The following ICA1L variants were observed in gnomAD, a reference collection of about 807,000 sequenced individuals.
ICA1L encodes the protein islet cell autoantigen 1 like.
Under a neutral mutation model 61.3 loss-of-function variants are expected in ICA1L, and 50 were observed. The ratio of observed to expected loss-of-function variants is 0.82; its 90% CI spans 0.65 to 1.03. The LOEUF is 1.03. Ranked by LOEUF, ICA1L falls within the 50% of genes least tolerant of loss-of-function variation. The pLI, the probability that ICA1L is intolerant of heterozygous loss-of-function variation, is 0.00. For missense variants in ICA1L, 508 were observed against 556.7 expected (o/e 0.91, Z 0.88); for synonymous variants, 161 against 191.3 (o/e 0.84, Z 1.31).
intron 1 of ICA1L, among the ~76,000 whole-genome samples, chr2:202,861,976 C>T (rs1278534173): frequency 8.2e-6 from 1 of 121,916 alleles, no homozygotes; most frequent in African/African-American, 3.2e-5. Flanking sequence ...TTTTAACCAA[C>T]TTGACCTAAT....
chr2:202,871,446 G>A (rs1687711943), intron 1 of ICA1L, 173 bp downstream of exon 1: 2 of 152,090 alleles, frequency 1.3e-5, no homozygotes, highest in African/African-American at 4.8e-5. Context: ...GGGTCCCCCA[G>A]AGAACCGAGG....
chr2:202,825,691 A>G lies in ICA1L; in HGVS notation c.235+4T>C. On this transcript the variant is annotated splice_donor_region_variant and intron_variant, in intron 3 of 12. Transcript: ENST00000358299. ...TTATCAGATAGATAACTATGATTTC[A>G]TACCATTGAGTCTTAGCTGGTATTT... 1 of 1,457,010 alleles carries G rather than the reference A, an allele frequency of 6.9e-7. No homozygotes were observed. The highest frequency in any genetic ancestry group is 1.8e-4 in the Middle Eastern group (1 of 5,714). The allele number at this position is 1,457,010 out of a possible 1,614,324, so 90.3% of individuals were successfully genotyped here.
intron 1 of ICA1L, among the ~76,000 whole-genome samples, chr2:202,851,175 C>A (rs1694608506): frequency 6.6e-6 from 1 of 151,492 alleles, no homozygotes; most frequent in East Asian, 1.9e-4. Flanking sequence ...CCCCACCCCA[C>A]AACAGGCCCC....
At chr2:202,785,832 CAATAT>C (rs1217868832) in intron 12 of ICA1L, 81 bp downstream of exon 12, 9 of 740,190 alleles carry the variant, frequency 1.2e-5, no homozygotes, top group African/African-American at 1.8e-5. Context: ...GAGGTGAAAA[CAATAT>C]AAAGTGATCC....
chr2:202,858,421 T>C (rs1294273720), intron 1 of ICA1L, among the ~76,000 whole-genome samples: 1 of 152,042 alleles, frequency 6.6e-6, no homozygotes, highest in Non-Finnish European at 1.5e-5. Context: ...AGTTGAACAA[T>C]GAGAACACAT....
At position 202,792,573 on chromosome 2, in the gene ICA1L, G is replaced by C. The variant is rs1692786527; in HGVS notation, c.986-3486C>G. 2.0e-5 allele frequency among the ~76,000 whole-genome samples: 3 copies of C among 152,168 alleles called. No homozygotes were observed. The South Asian group carries it at 6.2e-4, about 32-fold the overall frequency. Reference sequence around the variant, plus strand: ...TAATTCCAGCACTTTGTGAGGCTGAGGCGGGCAGATCACAAGGTCAGGAGA... The same window carrying C: ...TAATTCCAGCACTTTGTGAGGCTGACGCGGGCAGATCACAAGGTCAGGAGA... On this transcript the variant is annotated intron_variant, in intron 10 of 12. Coordinates refer to ENST00000358299, the MANE Select transcript of ICA1L (RefSeq NM_001288622.3).
intron 10 of ICA1L, among the ~76,000 whole-genome samples, chr2:202,795,073 C>CTT (rs59752090): frequency 7.2e-5 from 7 of 97,072 alleles, no homozygotes; most frequent in East Asian, 3.1e-4. Flanking sequence ...GTTTCCTTTT[C>CTT]TTTTTTTTTT....
intron 8 of ICA1L, among the ~76,000 whole-genome samples, chr2:202,812,360 C>T (rs555276731): frequency 2.4e-4 from 37 of 152,246 alleles, no homozygotes; most frequent in African/African-American, 7.7e-4. Context: ...AGGCGGATCA[C>T]GAGGTCAGGA....
chr2:202,795,349 C>T (rs1040235591), intron 10 of ICA1L, among the ~76,000 whole-genome samples: 4 of 151,980 alleles, frequency 2.6e-5, no homozygotes, highest in South Asian at 2.1e-4. Flanking sequence ...TGGTGGCACA[C>T]GCCTATAATC....
chr2:202,811,503 C>CA (rs1286684869), intron 9 of ICA1L, among the ~76,000 whole-genome samples: 7 of 149,944 alleles, frequency 4.7e-5, no homozygotes, highest in East Asian at 2.0e-4. Flanking sequence ...ACTAAAAATA[C>CA]AAAAAAAAAT....
intron 5 of ICA1L, among the ~76,000 whole-genome samples, chr2:202,819,382 G>C (rs1213778932): frequency 6.6e-6 from 1 of 151,926 alleles, no homozygotes; most frequent in Admixed American, 6.6e-5. Flanking sequence ...AATTCCTTTT[G>C]TCCCTCTGTA....
chr2:202,776,676 T>A lies in ICA1L; in HGVS notation c.*2857A>T, dbSNP rs113452458. On this transcript the variant is annotated 3_prime_UTR_variant, in exon 13 of 13. Transcript: ENST00000358299. ...CTTCATCTTAATATAGTTACTGATA[T>A]GCTCTTCAAAAACAGTGGTTGGACT... 6.6e-6 allele frequency: 1 copy of A among 152,228 alleles called. No individual in the cohort carries two copies. 9.4% of individuals were successfully genotyped at this position (152,228 alleles called of 1,614,324 possible).
chr2:202,796,798 C>G, intron 10 of ICA1L, 92 bp downstream of exon 10: 1 of 707,428 alleles, frequency 1.4e-6, no homozygotes, highest in Non-Finnish European at 2.3e-6. Flanking sequence ...ATGTAGAGAC[C>G]CAGACAGTTT....
At position 202,815,926 on chromosome 2, in the gene ICA1L, A is replaced by T; in HGVS notation, c.768T>A (p.Asp256Glu). ...HEACIGFHPY[D>E]FVALKQLQDT... ...CACAATGTACCTTGAGAGCTACAAA[A>T]TCATACGGATGAAAGCCAATACAGG... The change falls in exon 7 of 13, where the codon GAT (aspartate) becomes GAA (glutamate). Residue 256 changes from aspartate (D) to glutamate (E), a missense_variant. Physicochemically the swap from Asp to Glu is conservative, Grantham distance 45. Coordinates refer to ENST00000358299, the MANE Select transcript of ICA1L (RefSeq NM_001288622.3). 6.3e-7 allele frequency: 1 copy of T among 1,589,122 alleles called. No individual in the cohort carries two copies. Among genetic ancestry groups the T allele is most frequent in the Non-Finnish European group, 8.6e-7 (1 of 1,169,012 alleles).
At chr2:202,791,579 G>A (rs568878516) in intron 10 of ICA1L, among the ~76,000 whole-genome samples, 1 of 152,368 alleles carries the variant, frequency 6.6e-6, no homozygotes, top group Non-Finnish European at 1.5e-5. Context: ...AGGCACTGTG[G>A]CTCACACCTG....
At chr2:202,822,119 G>A (rs1215312020) in intron 3 of ICA1L, among the ~76,000 whole-genome samples, 3 of 152,188 alleles carry the variant, frequency 2.0e-5, no homozygotes, top group Non-Finnish European at 4.4e-5. Context: ...ATCTAATAAA[G>A]TGAGCTTATA....
At chr2:202,827,939 T>C (rs1693894368) in intron 2 of ICA1L, among the ~76,000 whole-genome samples, 1 of 152,164 alleles carries the variant, frequency 6.6e-6, no homozygotes, top group Non-Finnish European at 1.5e-5. Context: ...CATAACAGAA[T>C]CCCTGCTTAG....
At chr2:202,854,556 C>T (rs1694721149) in intron 1 of ICA1L, among the ~76,000 whole-genome samples, 1 of 152,226 alleles carries the variant, frequency 6.6e-6, no homozygotes. Context: ...TAGACATCTA[C>T]AGAACTCTCC....
In ICA1L at chr2:202,775,838, C is replaced by T. The variant is rs1692203420; in HGVS notation, c.*3695G>A. 2.0e-5 allele frequency: 3 copies of T among 152,176 alleles called. No individual in the cohort carries two copies. In the South Asian group the frequency reaches 6.2e-4, roughly 32 times the overall value. 9.4% of individuals were successfully genotyped at this position (152,176 alleles called of 1,614,324 possible). ...TGGCCTTACAAGGATATTAATTGCC[C>T]TGGTTTTATTTTCGTTCTCCCATGT... On this transcript the variant is annotated 3_prime_UTR_variant, in exon 13 of 13. Coordinates refer to ENST00000358299, the MANE Select transcript of ICA1L (RefSeq NM_001288622.3).
Sources: allele counts gnomAD v4.1 joint callset (sites outside exome capture counted in the v4.1 genomes callset), GRCh38; gene constraint gnomAD v4.1.1; transcripts MANE v1.5; gene names NCBI Gene and HGNC (gene_info 2026-07-23, HGNC 2026-07-21).